The following RGSL1 variants were observed in gnomAD, a reference collection of about 807,000 sequenced individuals.
The protein encoded by RGSL1 is regulator of G protein signaling like 1.
A neutral mutation model predicts 124.7 loss-of-function variants in RGSL1; 97 were observed. That is an observed-to-expected ratio of 0.78 (90% CI 0.66 to 0.92). The LOEUF is 0.92. Ranked by LOEUF, RGSL1 falls within the 40% of genes least tolerant of loss-of-function variation. RGSL1 has a pLI of 0.00. For missense variants in RGSL1, 1,233 were observed against 1,288.4 expected, an observed-to-expected ratio of 0.96 and a Z score of 0.66; for synonymous variants, 424 against 438.1, an observed-to-expected ratio of 0.97 and a Z score of 0.40.
chr1:182,547,509 A>T (rs2102318928), intron 15 of RGSL1, among the ~76,000 whole-genome samples: 1 of 152,234 alleles, frequency 6.6e-6, no homozygotes, highest in Non-Finnish European at 1.5e-5. Flanking sequence ...TTCTCTGTAT[A>T]GCAACCAGCG....
chr1:182,492,898 G>A lies in RGSL1; in HGVS notation c.1718-124G>A, dbSNP rs143844534. The stretch of plus-strand genomic sequence containing the variant: ...CCCATCTCAGCCTCCCAAAGTGCTG[G>A]GATTACAAACGTGAGCCACTGCGCC... On this transcript the variant is annotated intron_variant, in intron 8 of 21. Coordinates refer to ENST00000294854, the MANE Select transcript of RGSL1 (RefSeq NM_001137669.2). 4.4e-3 allele frequency: 3,044 copies of A among 684,090 alleles called. 16 individuals are homozygous for A. The highest frequency in any genetic ancestry group is 5.5e-3 in the Non-Finnish European group (2,110 of 380,474). 42.4% of individuals were successfully genotyped at this position (684,090 alleles called of 1,614,324 possible).
chr1:182,451,462 TATTA>T (rs1163393723), intron 1 of RGSL1, among the ~76,000 whole-genome samples: 4 of 149,598 alleles, frequency 2.7e-5, no homozygotes, highest in Non-Finnish European at 4.5e-5. Flanking sequence ...AATGGATGAC[TATTA>T]ATTTGTGAGC....
chr1:182,497,083 T>G (rs765345989), intron 9 of RGSL1, among the ~76,000 whole-genome samples: 24 of 152,100 alleles, frequency 1.6e-4, no homozygotes, highest in Non-Finnish European at 2.6e-4. Flanking sequence ...GAGTAGATGA[T>G]TTGGGGCCCA....
intron 14 of RGSL1, among the ~76,000 whole-genome samples, chr1:182,538,743 C>T (rs1659705618): frequency 6.6e-6 from 1 of 152,052 alleles, no homozygotes; most frequent in South Asian, 2.1e-4. Flanking sequence ...GTACTTGTAA[C>T]ATGTTGATAG....
chr1:182,540,337 T>A lies in RGSL1; in HGVS notation c.2585T>A (p.Leu862His). ...GACCAAGAGAATGGAGAAATAACCC[T>A]TGTAAAGCGTCGTATATTTGGCCAC... ...SADQENGEIT[L>H]VKRRIFGHRI... The change falls in exon 15 of 22, where the codon CTT (leucine) becomes CAT (histidine). Residue 862 changes from leucine to histidine, a missense_variant. Coordinates refer to ENST00000294854, the MANE Select transcript of RGSL1 (RefSeq NM_001137669.2). The A allele has an allele frequency of 1.9e-6, 3 of 1,551,424 alleles. No individual in the cohort carries two copies. The highest frequency in any genetic ancestry group is 2.6e-6 in the Non-Finnish European group (3 of 1,146,754).
intron 6 of RGSL1, among the ~76,000 whole-genome samples, chr1:182,485,916 C>T (rs2102079709): frequency 6.6e-6 from 1 of 152,252 alleles, no homozygotes; most frequent in Middle Eastern, 3.4e-3. Flanking sequence ...AAAACTGTGC[C>T]CGTTTGTTTA....
intron 6 of RGSL1, among the ~76,000 whole-genome samples, chr1:182,477,677 G>T (rs897008187): frequency 1.3e-5 from 2 of 152,120 alleles, no homozygotes; most frequent in Non-Finnish European, 2.9e-5. Flanking sequence ...CTTTGAACCA[G>T]GCTCTAACTC....
chr1:182,518,890 G>A (rs1417120097), intron 9 of RGSL1, among the ~76,000 whole-genome samples: 3 of 152,034 alleles, frequency 2.0e-5, no homozygotes, highest in Non-Finnish European at 4.4e-5. Flanking sequence ...TGTGGTGGGT[G>A]GGAAGTGAAG....
chr1:182,527,839 T>A (rs1658868731), intron 11 of RGSL1, 67 bp downstream of exon 11: 1 of 1,351,100 alleles, frequency 7.4e-7, no homozygotes, highest in African/African-American at 1.5e-5. Context: ...GCCTGGGAAA[T>A]AGCCTACCTC....
chr1:182,527,543 C>A (rs1326222202), intron 10 of RGSL1, 36 bp from the exon 11 acceptor site: 1 of 1,501,954 alleles, frequency 6.7e-7, no homozygotes, highest in African/African-American at 1.4e-5. Context: ...ATCATCATTC[C>A]TTTCTCTCTA....
In RGSL1 at chr1:182,550,682, T is replaced by A. The variant is rs186744133; in HGVS notation, c.2934-418T>A. ...TGAGGTGGTCAAGGCTGTCAGTAAG[T>A]GGCAGGGTGGAAACTAGGATTAGGA... On this transcript the variant is annotated intron_variant, in intron 17 of 21. Coordinates refer to ENST00000294854, the MANE Select transcript of RGSL1 (RefSeq NM_001137669.2). 1,135 of 151,660 alleles carry A rather than the reference T, an allele frequency of 7.5e-3. 12 individuals are homozygous for A. Among genetic ancestry groups the A allele is most frequent in the African/African-American group, 0.031 (965 of 31,452 alleles). 9.4% of individuals were successfully genotyped at this position (151,660 alleles called of 1,614,324 possible).
At chr1:182,495,583 G>A (rs544195382) in intron 9 of RGSL1, among the ~76,000 whole-genome samples, 2 of 152,266 alleles carry the variant, frequency 1.3e-5, no homozygotes, top group South Asian at 2.1e-4. Flanking sequence ...CCACACAAAC[G>A]AATGCACAGG....
intron 14 of RGSL1, among the ~76,000 whole-genome samples, chr1:182,536,872 C>T (rs143143759): frequency 0.027 from 4,079 of 152,204 alleles, 175 homozygotes; most frequent in African/African-American, 0.09. Flanking sequence ...AGGTTCCTCC[C>T]ACAACACATG....
chr1:182,448,831 G>T (rs1419842000), upstream of RGSL1, among the ~76,000 whole-genome samples: 1 of 152,118 alleles, frequency 6.6e-6, no homozygotes, highest in East Asian at 1.9e-4. Flanking sequence ...ACCCTATTTG[G>T]TTGTTAATGG....
chr1:182,463,537 T>G (rs1653027070), intron 4 of RGSL1, among the ~76,000 whole-genome samples: 1 of 152,122 alleles, frequency 6.6e-6, no homozygotes, highest in Non-Finnish European at 1.5e-5. Flanking sequence ...AGACTTTATT[T>G]AATTTATTTA....
intron 15 of RGSL1, among the ~76,000 whole-genome samples, chr1:182,545,278 A>C (rs1193709083): frequency 6.6e-6 from 1 of 152,284 alleles, no homozygotes; most frequent in Non-Finnish European, 1.5e-5. Context: ...CAAAGAAAAA[A>C]CTAAAATGAA....
chr1:182,470,566 C>T (rs1051059583), intron 4 of RGSL1, among the ~76,000 whole-genome samples: 1 of 152,140 alleles, frequency 6.6e-6, no homozygotes, highest in African/African-American at 2.4e-5. Flanking sequence ...CTCATTGAAC[C>T]ACTACCAATT....
chr1:182,513,003 G>A (rs1213944334), intron 9 of RGSL1, among the ~76,000 whole-genome samples: 4 of 152,188 alleles, frequency 2.6e-5, no homozygotes, highest in African/African-American at 7.2e-5. Context: ...GGCACAGGAC[G>A]GGGTGGGGCA....
chr1:182,490,546 T>A (rs1655441471), intron 8 of RGSL1, among the ~76,000 whole-genome samples: 2 of 152,210 alleles, frequency 1.3e-5, no homozygotes, highest in African/African-American at 4.8e-5. Context: ...CCCTCTTTTT[T>A]AACCATAGAG....
Sources: gnomAD v4.1 joint callset for allele counts (sites outside exome capture counted in the v4.1 genomes callset) on GRCh38, gnomAD v4.1.1 for gene constraint, MANE v1.5 for transcripts, NCBI Gene and HGNC (gene_info 2026-07-23, HGNC 2026-07-21) for gene names.